The following ACTR3 variants were observed in gnomAD, a reference collection of about 807,000 sequenced individuals.
ACTR3 encodes actin-related protein 3.
Under a neutral mutation model 56.8 loss-of-function variants are expected in ACTR3, and 12 were observed. That is an observed-to-expected ratio of 0.21 (90% confidence interval 0.14 to 0.34). ACTR3 has a LOEUF of 0.34. ACTR3 is among the 10% of genes least tolerant of loss of function. The pLI, the probability that ACTR3 is intolerant of heterozygous loss-of-function variation, is 1.00. For synonymous variants in ACTR3, 162 were observed against 167.4 expected, an observed-to-expected ratio of 0.97 and a Z score of 0.25; for missense variants, 282 against 512.5, an observed-to-expected ratio of 0.55 and a Z score of 4.34.
At chr2:113,900,037 T>G (rs2104582308) in intron 1 of ACTR3, among the ~76,000 whole-genome samples, 1 of 152,118 alleles carries the variant, frequency 6.6e-6, no homozygotes, top group Middle Eastern at 3.4e-3. Flanking sequence ...AAAGGTAAAT[T>G]TATGCACTAT....
chr2:113,941,066 G>A (rs1402355521), intron 7 of ACTR3, among the ~76,000 whole-genome samples: 3 of 152,054 alleles, frequency 2.0e-5, no homozygotes, highest in African/African-American at 4.8e-5. Context: ...CTCCTGCTTC[G>A]GAATCTCAAA....
At chr2:113,912,718 A>G (rs1416998656) in intron 1 of ACTR3, among the ~76,000 whole-genome samples, 2 of 152,092 alleles carry the variant, frequency 1.3e-5, no homozygotes, top group Non-Finnish European at 2.9e-5. Flanking sequence ...TACTTGATAC[A>G]TTGTTCTGTA....
At chr2:113,940,135 A>C in intron 7 of ACTR3, 33 bp downstream of exon 7, 1 of 1,572,094 alleles carries the variant, frequency 6.4e-7, no homozygotes, top group Non-Finnish European at 8.6e-7. Context: ...AATTTAGTTA[A>C]AAATTAAAAT....
At chr2:113,903,401 C>T (rs1024731072) in intron 1 of ACTR3, among the ~76,000 whole-genome samples, 30 of 152,312 alleles carry the variant, frequency 2.0e-4, no homozygotes, top group Admixed American at 3.9e-4. Context: ...GAGTCTTGCT[C>T]TGTTGCCCAG....
intron 3 of ACTR3, among the ~76,000 whole-genome samples, chr2:113,923,345 T>C (rs1007065813): frequency 6.6e-5 from 4 of 60,730 alleles, no homozygotes; most frequent in African/African-American, 1.2e-4. Flanking sequence ...TTTGTTTGTT[T>C]GTTTGTTTTT....
chr2:113,952,798 T>C (rs939629462), intron 10 of ACTR3: 18 of 152,174 alleles, frequency 1.2e-4, no homozygotes, highest in African/African-American at 3.9e-4. Context: ...CAATAGACTT[T>C]TAAAATGTTG....
At chr2:113,912,042 A>C (rs758996706) in intron 1 of ACTR3, among the ~76,000 whole-genome samples, 1 of 152,004 alleles carries the variant, frequency 6.6e-6, no homozygotes, top group Non-Finnish European at 1.5e-5. Context: ...TCCCAGCCTA[A>C]TTTCTATAGT....
intron 1 of ACTR3, among the ~76,000 whole-genome samples, chr2:113,909,621 GTTT>G (rs202150469): frequency 3.9e-5 from 5 of 127,726 alleles, no homozygotes; most frequent in South Asian, 2.5e-4. Context: ...TGTTGTTGTT[GTTT>G]TTTTTTTTTT....
intron 3 of ACTR3, among the ~76,000 whole-genome samples, chr2:113,927,009 T>C (rs1679633364): frequency 6.6e-6 from 1 of 152,232 alleles, no homozygotes; most frequent in African/African-American, 2.4e-5. Flanking sequence ...TATAGTTTTT[T>C]AGGCTTAATT....
chr2:113,915,729 ATC>A (rs1033461240), intron 2 of ACTR3, among the ~76,000 whole-genome samples: 38 of 152,298 alleles, frequency 2.5e-4, no homozygotes, highest in Non-Finnish European at 4.6e-4. Context: ...TCACTATTGA[ATC>A]CATTTTTTAT....
At chr2:113,940,378 CTTTA>C (rs1162166272) in intron 7 of ACTR3, among the ~76,000 whole-genome samples, 1 of 151,796 alleles carries the variant, frequency 6.6e-6, no homozygotes, top group Admixed American at 6.6e-5. Context: ...TGATTATTCT[CTTTA>C]TTAAAAATAA....
intron 2 of ACTR3, among the ~76,000 whole-genome samples, chr2:113,914,923 G>A (rs1052533205): frequency 1.3e-5 from 2 of 152,120 alleles, no homozygotes; most frequent in African/African-American, 4.8e-5. Context: ...ATGCATGTTT[G>A]TTATCTACTG....
upstream of ACTR3, chr2:113,890,065 G>C (rs1678853040): frequency 1.6e-6 from 1 of 616,630 alleles, no homozygotes; most frequent in East Asian, 3.0e-5. Context: ...GGCGGGGCAG[G>C]GCGGGGACTG....
intron 4 of ACTR3, among the ~76,000 whole-genome samples, chr2:113,930,306 A>G (rs1159036632): frequency 6.6e-6 from 1 of 152,108 alleles, no homozygotes; most frequent in Non-Finnish European, 1.5e-5. Flanking sequence ...TAGCTTATAA[A>G]GGTTTTATGT....
chr2:113,892,977 ATACT>A (rs1678934341), intron 1 of ACTR3, among the ~76,000 whole-genome samples: 1 of 152,246 alleles, frequency 6.6e-6, no homozygotes, highest in Non-Finnish European at 1.5e-5. Flanking sequence ...ATAAAAGAGA[ATACT>A]TATTTTGAAA....
intron 5 of ACTR3, among the ~76,000 whole-genome samples, chr2:113,932,837 A>G (rs537084930): frequency 6.6e-6 from 1 of 152,134 alleles, no homozygotes; most frequent in African/African-American, 2.4e-5. Context: ...CTGTTAGCCT[A>G]TAGTGATTAT....
chr2:113,926,189 T>C (rs1383484591), intron 3 of ACTR3, among the ~76,000 whole-genome samples: 1 of 152,228 alleles, frequency 6.6e-6, no homozygotes, highest in Non-Finnish European at 1.5e-5. Context: ...ATCGATGTTA[T>C]TTTATGTGAT....
chr2:113,936,332 G>A (rs906532079), intron 6 of ACTR3, among the ~76,000 whole-genome samples: 4 of 148,138 alleles, frequency 2.7e-5, no homozygotes, highest in Non-Finnish European at 6.0e-5. Flanking sequence ...AAAGGTTGGT[G>A]GGGGGGTGCT....
intron 4 of ACTR3, among the ~76,000 whole-genome samples, chr2:113,930,159 T>G (rs1179174116): frequency 6.6e-6 from 1 of 152,192 alleles, no homozygotes; most frequent in Non-Finnish European, 1.5e-5. Context: ...TGTAGATTTT[T>G]TTTCTTGGAG....
Sources: gnomAD v4.1 joint callset for allele counts (sites outside exome capture counted in the v4.1 genomes callset) on GRCh38, gnomAD v4.1.1 for gene constraint, MANE v1.5 for transcripts, NCBI Gene and HGNC (gene_info 2026-07-23, HGNC 2026-07-21) for gene names.